IL1RAPL2: variants seen among roughly 807,000 people sequenced by gnomAD.
IL1RAPL2 encodes the protein interleukin 1 receptor accessory protein like 2, also known as X-linked interleukin-1 receptor accessory protein-like 2.
A neutral mutation model predicts 44.1 loss-of-function variants in IL1RAPL2; 3 were observed. The ratio of observed to expected loss-of-function variants is 0.07; its 90% CI spans 0.03 to 0.18. IL1RAPL2 has a LOEUF of 0.18. Ranked by LOEUF, IL1RAPL2 falls within the 10% of genes least tolerant of loss-of-function variation. The pLI, the probability that IL1RAPL2 is intolerant of heterozygous loss-of-function variation, is 1.00. For synonymous variants in IL1RAPL2, 181 were observed against 178.8 expected (o/e 1.01, Z -0.10); for missense variants, 391 against 496.4 (o/e 0.79, Z 2.02).
At chrX:105,395,230 A>T (rs1458239601) in intron 5 of IL1RAPL2, among the ~76,000 whole-genome samples, 1 of 110,856 alleles carries the variant, frequency 9.0e-6, no homozygotes, top group East Asian at 2.8e-4. Context: ...ATTCATAAAT[A>T]TATATATAGG....
At chrX:105,079,550 A>G (rs958769776) in intron 2 of IL1RAPL2, among the ~76,000 whole-genome samples, 1 of 109,377 alleles carries the variant, frequency 9.1e-6, no homozygotes, top group Non-Finnish European at 1.9e-5. Flanking sequence ...TTATGGCTGC[A>G]TAGTATTCCA....
chrX:104,821,466 A>T (rs940841367), intron 2 of IL1RAPL2, among the ~76,000 whole-genome samples: 5 of 109,458 alleles, frequency 4.6e-5, no homozygotes, highest in Non-Finnish European at 9.5e-5. Context: ...TCATTGTTCA[A>T]CTCCCACTTA....
intron 2 of IL1RAPL2, among the ~76,000 whole-genome samples, chrX:104,963,662 C>T (rs2030051108): frequency 9.0e-6 from 1 of 111,179 alleles, no homozygotes; most frequent in Non-Finnish European, 1.9e-5. Context: ...AAACAGATGA[C>T]AACTTTAAGT....
chrX:105,497,400 C>T (rs977153256), intron 6 of IL1RAPL2, among the ~76,000 whole-genome samples: 16 of 110,773 alleles, frequency 1.4e-4, no homozygotes, highest in South Asian at 3.8e-4. Flanking sequence ...AATAAAACCC[C>T]CCAACAAAGA....
chrX:105,004,452 G>T (rs2030907416), intron 2 of IL1RAPL2, among the ~76,000 whole-genome samples: 1 of 110,078 alleles, frequency 9.1e-6, no homozygotes, highest in South Asian at 3.9e-4. Flanking sequence ...CCCATCTTGA[G>T]TCCTTGCAAT....
chrX:104,908,124 AC>A (rs942644852), intron 2 of IL1RAPL2, among the ~76,000 whole-genome samples: 31 of 108,922 alleles, frequency 2.8e-4, no homozygotes, highest in Admixed American at 2.4e-3. Context: ...TAGGATTGCA[AC>A]CCCTGCCTTT....
chrX:104,871,464 A>T (rs1033061355), intron 2 of IL1RAPL2, among the ~76,000 whole-genome samples: 2 of 111,753 alleles, frequency 1.8e-5, no homozygotes, highest in African/African-American at 3.2e-5. Flanking sequence ...CCAATAAAGG[A>T]ATTATCTTGT....
chrX:105,537,055 AT>A (rs768568406), intron 6 of IL1RAPL2, among the ~76,000 whole-genome samples: 12 of 110,931 alleles, frequency 1.1e-4, no homozygotes, highest in Non-Finnish European at 2.1e-4. Context: ...CTTATGGTAG[AT>A]TTTTTTTGCC....
At chrX:105,234,098 T>A in intron 4 of IL1RAPL2, 94 bp downstream of exon 4, 1 of 652,216 alleles carries the variant, frequency 1.5e-6, no homozygotes, top group Non-Finnish European at 2.2e-6. Context: ...TTTTTGGTAT[T>A]AGATATTTCA....
intron 5 of IL1RAPL2, among the ~76,000 whole-genome samples, chrX:105,355,983 C>A (rs1048868673): frequency 9.0e-6 from 1 of 110,881 alleles, no homozygotes; most frequent in Non-Finnish European, 1.9e-5. Flanking sequence ...CTAAAAGGTG[C>A]CCCCCACCAC....
chrX:105,230,825 G>T (rs1276194943), intron 3 of IL1RAPL2, among the ~76,000 whole-genome samples: 1 of 111,332 alleles, frequency 9.0e-6, no homozygotes, highest in Non-Finnish European at 1.9e-5. Context: ...TTTGTCCAAG[G>T]TCACAGAACT....
At chrX:105,035,490 A>G (rs1057024725) in intron 2 of IL1RAPL2, among the ~76,000 whole-genome samples, 11 of 112,351 alleles carry the variant, frequency 9.8e-5, no homozygotes, top group Middle Eastern at 4.7e-3. Context: ...AATTGGGGAA[A>G]TACTGTAAGC....
At chrX:105,240,165 T>C (rs2034157726) in intron 4 of IL1RAPL2, among the ~76,000 whole-genome samples, 1 of 112,668 alleles carries the variant, frequency 8.9e-6, no homozygotes, top group Non-Finnish European at 1.9e-5. Flanking sequence ...GAACTTTTAA[T>C]AACAAAAACT....
intron 2 of IL1RAPL2, among the ~76,000 whole-genome samples, chrX:104,767,471 G>T (rs1932576751): frequency 9.0e-6 from 1 of 111,409 alleles, no homozygotes; most frequent in Admixed American, 9.6e-5. Flanking sequence ...TGAATGCTGA[G>T]GTTTTTAACA....
chrX:105,493,987 A>G (rs2036339467), intron 6 of IL1RAPL2, among the ~76,000 whole-genome samples: 1 of 112,145 alleles, frequency 8.9e-6, no homozygotes, highest in African/African-American at 3.2e-5. Flanking sequence ...TTCTGGAGGG[A>G]TTTACAGTAT....
At chrX:105,657,355 C>A (rs1264792600) in intron 6 of IL1RAPL2, among the ~76,000 whole-genome samples, 12 of 112,008 alleles carry the variant, frequency 1.1e-4, no homozygotes, top group African/African-American at 3.9e-4. Flanking sequence ...TGTCTACTAC[C>A]TACAGTGGGA....
At chrX:105,629,243 G>T (rs1225335004) in intron 6 of IL1RAPL2, among the ~76,000 whole-genome samples, 1 of 111,275 alleles carries the variant, frequency 9.0e-6, no homozygotes, top group Non-Finnish European at 1.9e-5. Flanking sequence ...CTTGATCCTT[G>T]TATGCCTGAA....
intron 6 of IL1RAPL2, among the ~76,000 whole-genome samples, chrX:105,695,470 T>C (rs1012305170): frequency 2.7e-5 from 3 of 111,616 alleles, no homozygotes; most frequent in South Asian, 3.7e-4. Flanking sequence ...CTAGCCAATA[T>C]AGGATAAGTG....
intron 2 of IL1RAPL2, among the ~76,000 whole-genome samples, chrX:104,983,497 CATA>C (rs1411502961): frequency 4.7e-4 from 45 of 96,572 alleles, no homozygotes; most frequent in Non-Finnish European, 5.6e-4. Flanking sequence ...ATATTAGATA[CATA>C]ATATTATATA....
Sources: allele counts gnomAD v4.1 joint callset (sites outside exome capture counted in the v4.1 genomes callset), GRCh38; gene constraint gnomAD v4.1.1; transcripts MANE v1.5; gene names NCBI Gene and HGNC (gene_info 2026-07-23, HGNC 2026-07-21).